The following GRIA4 variants were observed in gnomAD, a reference collection of about 807,000 sequenced individuals.
GRIA4 encodes glutamate ionotropic receptor AMPA type subunit 4.
A neutral mutation model predicts 104.0 loss-of-function variants in GRIA4; 34 were observed. The observed-to-expected ratio is 0.33, with a 90% CI of 0.25 to 0.44. The LOEUF (loss-of-function observed/expected upper bound fraction) is 0.44. Among genes scored for constraint, GRIA4 ranks in the 20% least tolerant of loss-of-function variants. The pLI is 1.00. For missense variants in GRIA4, 750 were observed against 1,096.5 expected (o/e 0.68, Z 4.46); for synonymous variants, 386 against 381.9 (o/e 1.01, Z -0.13).
rs79654070 is a variant in GRIA4, at chr11:105,789,337, T to G, written c.487+36117T>G. Among the ~76,000 whole-genome samples, 961 of 152,260 alleles carry G rather than the reference T, an allele frequency of 6.3e-3. 12 individuals carry two copies. Among genetic ancestry groups the G allele is most frequent in the African/African-American group, 0.022 (912 of 41,554 alleles). On this transcript the variant is annotated intron_variant, in intron 4 of 16. Transcript: ENST00000282499. ...AGAGTCTCATCAATGGTTACAGGTTTATATTAGATCTCAGACTGCTGAGAA... is the reference window on the plus strand; with the variant it reads ...AGAGTCTCATCAATGGTTACAGGTTGATATTAGATCTCAGACTGCTGAGAA...
chr11:105,867,183 A>C (rs1165142808), intron 5 of GRIA4, among the ~76,000 whole-genome samples: 1 of 152,186 alleles, frequency 6.6e-6, no homozygotes, highest in African/African-American at 2.4e-5. Flanking sequence ...GCCACGGCTG[A>C]CCTCTCAGAG....
At chr11:105,802,173 A>G (rs1591280183) in intron 4 of GRIA4, among the ~76,000 whole-genome samples, 1 of 152,092 alleles carries the variant, frequency 6.6e-6, no homozygotes, top group African/African-American at 2.4e-5. Context: ...GCTGGTGGTG[A>G]GAGAAGAGAG....
intron 4 of GRIA4, among the ~76,000 whole-genome samples, chr11:105,815,694 G>A (rs924348484): frequency 2.0e-5 from 3 of 152,074 alleles, no homozygotes; most frequent in Non-Finnish European, 4.4e-5. Context: ...AAATGTGGAT[G>A]AGTCCTAAGA....
Position 105,887,565 on chromosome 11 carries a change from C to A in GRIA4, c.719C>A (p.Ala240Glu). The change falls in exon 6 of 17, where the codon GCA becomes GAA. Residue 240 changes from alanine to glutamate, a missense_variant. Ala to Glu is a moderately radical substitution (Grantham distance 107). Around this residue, in one of 3 missense-constraint regions of GRIA4, gnomAD observed 410 missense variants for 502.7 expected, o/e 0.82. Transcript: ENST00000282499. ...KHVKGYHYII[A>E]NLGFKDISLE... ...GTTAAAGGCTACCATTATATCATTG[C>A]AAACTTGGTAAGAACTTCTTATTTT... 1 of 1,404,212 alleles carries A rather than the reference C, an allele frequency of 7.1e-7. No homozygotes were observed. Among genetic ancestry groups the A allele is most frequent in the Non-Finnish European group, 1.0e-6 (1 of 997,908 alleles). 87.0% of individuals were successfully genotyped at this position (1,404,212 alleles called of 1,614,324 possible). A position where few individuals can be genotyped will look rare whatever the true frequency, so the allele number is the denominator to read the frequency against.
At chr11:105,835,366 A>T (rs1944138003) in intron 4 of GRIA4, among the ~76,000 whole-genome samples, 2 of 152,120 alleles carry the variant, frequency 1.3e-5, no homozygotes, top group South Asian at 4.1e-4. Flanking sequence ...CAAAGGTCGA[A>T]ATCTGTGAAA....
In GRIA4 at chr11:105,722,989, A is replaced by G. The variant is rs868576772; in HGVS notation, c.248-29992A>G. 5.9e-5 allele frequency among the ~76,000 whole-genome samples: 9 copies of G among 152,100 alleles called. No individual in the cohort carries two copies. The South Asian group carries it at 1.9e-3, about 31-fold the overall frequency. On this transcript the variant is annotated intron_variant, in intron 3 of 16. Transcript: ENST00000282499. ...GATTTTTACTTAACTAAATATTTGAACTTTTAGTGATAATGAAAATCAGTT... is the reference window on the plus strand; with the variant it reads ...GATTTTTACTTAACTAAATATTTGAGCTTTTAGTGATAATGAAAATCAGTT...
intron 3 of GRIA4, among the ~76,000 whole-genome samples, chr11:105,656,658 AT>A (rs1299693266): frequency 6.6e-6 from 1 of 151,930 alleles, no homozygotes; most frequent in Admixed American, 6.6e-5. Context: ...AGGCGTTTAG[AT>A]TTTTTTTGTT....
intron 4 of GRIA4, among the ~76,000 whole-genome samples, chr11:105,802,497 C>T (rs1297774274): frequency 6.6e-6 from 1 of 151,958 alleles, no homozygotes; most frequent in African/African-American, 2.4e-5. Context: ...ACTTTGGGCA[C>T]AAAATGAAGA....
chr11:105,805,272 A>T (rs1382493078), intron 4 of GRIA4, among the ~76,000 whole-genome samples: 1 of 151,792 alleles, frequency 6.6e-6, no homozygotes, highest in African/African-American at 2.4e-5. Context: ...AATGTGACTC[A>T]TCAGTGAAAA....
chr11:105,642,517 T>C (rs1224297267), intron 3 of GRIA4, among the ~76,000 whole-genome samples: 1 of 102,602 alleles, frequency 9.7e-6, no homozygotes, highest in African/African-American at 3.9e-5. Context: ...GGCTATATAA[T>C]CAACATTCTC....
chr11:105,633,457 G>T (rs923812325), intron 3 of GRIA4, among the ~76,000 whole-genome samples: 5 of 152,092 alleles, frequency 3.3e-5, no homozygotes, highest in Admixed American at 6.5e-5. Context: ...TATATTTGTT[G>T]TAAACCCTTA....
At chr11:105,782,762 A>G (rs1170356512) in intron 4 of GRIA4, among the ~76,000 whole-genome samples, 1 of 152,174 alleles carries the variant, frequency 6.6e-6, no homozygotes, top group Non-Finnish European at 1.5e-5. Context: ...CCTCTATGTA[A>G]GACCAAGATG....
intron 7 of GRIA4, 126 bp from the exon 8 acceptor site, chr11:105,903,688 T>A: frequency 1.6e-6 from 1 of 630,480 alleles, no homozygotes; most frequent in Non-Finnish European, 2.8e-6. Context: ...CAATTAATTA[T>A]CAGTAATTTA....
At chr11:105,947,995 A>G (rs961096238) in intron 14 of GRIA4, among the ~76,000 whole-genome samples, 6 of 152,226 alleles carry the variant, frequency 3.9e-5, no homozygotes, top group African/African-American at 1.2e-4. Flanking sequence ...ATTTTCAGAG[A>G]GTAACAGAAA....
intron 3 of GRIA4, among the ~76,000 whole-genome samples, chr11:105,701,000 A>C (rs1273418254): frequency 6.6e-6 from 1 of 152,160 alleles, no homozygotes; most frequent in African/African-American, 2.4e-5. Flanking sequence ...ATTCCTTTGA[A>C]TGTCAATCAT....
chr11:105,753,451 G>C (rs536597459), intron 4 of GRIA4, among the ~76,000 whole-genome samples: 2 of 152,234 alleles, frequency 1.3e-5, no homozygotes, highest in East Asian at 3.9e-4. Flanking sequence ...TTGAAATTAA[G>C]ATAACTATGT....
chr11:105,748,104 T>G (rs999822888), intron 3 of GRIA4, among the ~76,000 whole-genome samples: 1 of 152,242 alleles, frequency 6.6e-6, no homozygotes, highest in Non-Finnish European at 1.5e-5. Flanking sequence ...CTTCTGCTCA[T>G]GATTTTACAT....
At chr11:105,729,025 G>C (rs1251038047) in intron 3 of GRIA4, among the ~76,000 whole-genome samples, 1 of 152,146 alleles carries the variant, frequency 6.6e-6, no homozygotes, top group Non-Finnish European at 1.5e-5. Context: ...TTAGGAGATA[G>C]AGACACGAAA....
At chr11:105,796,571 G>T (rs1942487369) in intron 4 of GRIA4, among the ~76,000 whole-genome samples, 1 of 152,008 alleles carries the variant, frequency 6.6e-6, no homozygotes, top group Non-Finnish European at 1.5e-5. Flanking sequence ...TCAGTGTTCT[G>T]GTTTCTCCAT....
Sources: allele counts gnomAD v4.1 joint callset (sites outside exome capture counted in the v4.1 genomes callset), GRCh38; gene constraint gnomAD v4.1.1; regional missense constraint gnomAD v4.1.1; transcripts MANE v1.5; gene names NCBI Gene and HGNC (gene_info 2026-07-23, HGNC 2026-07-21).